The following LRP1B variants were observed in gnomAD, a reference collection of about 807,000 sequenced individuals.
LRP1B encodes the protein low-density lipoprotein receptor-related protein 1B.
In LRP1B, 217 loss-of-function variants were observed where a neutral mutation model predicts 556.6. The observed-to-expected ratio is 0.39, with a 90% CI of 0.35 to 0.44. LRP1B has a LOEUF of 0.44. LRP1B is among the 20% of genes least tolerant of loss of function. The pLI is 1.00. For synonymous variants in LRP1B, 2,047 were observed against 1,865.8 expected (o/e 1.10, Z -2.50); for missense variants, 5,053 against 5,620.8 (o/e 0.90, Z 3.23).
intron 3 of LRP1B, among the ~76,000 whole-genome samples, chr2:141,477,211 G>A (rs1019708462): frequency 3.4e-5 from 5 of 149,006 alleles, no homozygotes; most frequent in African/African-American, 1.2e-4. Context: ...TAGGCTTTAG[G>A]TATAATTACT....
chr2:140,819,273 CT>C (rs1357252334), intron 31 of LRP1B, among the ~76,000 whole-genome samples: 1 of 152,142 alleles, frequency 6.6e-6, no homozygotes, highest in Non-Finnish European at 1.5e-5. Flanking sequence ...AATCTCACAA[CT>C]GATAATTTGG....
intron 1 of LRP1B, among the ~76,000 whole-genome samples, chr2:141,935,056 C>T (rs1558971378): frequency 2.5e-5 from 1 of 40,010 alleles, no homozygotes; most frequent in South Asian, 9.1e-4. Context: ...GTGATCTCCT[C>T]TATAAAAAAT....
At chr2:141,338,433 G>T (rs1417424524) in intron 3 of LRP1B, among the ~76,000 whole-genome samples, 2 of 152,164 alleles carry the variant, frequency 1.3e-5, no homozygotes, top group Non-Finnish European at 2.9e-5. Context: ...GCTCTGTGCT[G>T]CATTGAGGTC....
At chr2:140,852,377 G>A (rs1370194129) in intron 27 of LRP1B, among the ~76,000 whole-genome samples, 1 of 152,150 alleles carries the variant, frequency 6.6e-6, no homozygotes, top group African/African-American at 2.4e-5. Context: ...GAGTTAGTTT[G>A]AGGAGCAACC....
chr2:141,847,990 A>C (rs1288117932), intron 1 of LRP1B, among the ~76,000 whole-genome samples: 1 of 151,588 alleles, frequency 6.6e-6, no homozygotes, highest in Non-Finnish European at 1.5e-5. Flanking sequence ...AAAAATAAAG[A>C]CTTTAAGTTA....
chr2:141,959,973 A>G (rs1701356278), intron 1 of LRP1B, among the ~76,000 whole-genome samples: 1 of 151,926 alleles, frequency 6.6e-6, no homozygotes, highest in African/African-American at 2.4e-5. Flanking sequence ...AAATGTAGGA[A>G]AAATAGAACT....
intron 3 of LRP1B, among the ~76,000 whole-genome samples, chr2:141,362,774 G>A (rs1688875692): frequency 7.1e-6 from 1 of 140,430 alleles, no homozygotes; most frequent in Admixed American, 7.2e-5. Context: ...CTCACCAGAA[G>A]AAAGAAAGCT....
At chr2:141,044,308 A>G (rs1005577005) in intron 11 of LRP1B, among the ~76,000 whole-genome samples, 1 of 151,836 alleles carries the variant, frequency 6.6e-6, no homozygotes. Context: ...ACCTAAAACC[A>G]TAAAAACCCT....
intron 2 of LRP1B, among the ~76,000 whole-genome samples, chr2:141,784,737 C>T (rs983581228): frequency 2.6e-5 from 4 of 151,824 alleles, no homozygotes; most frequent in East Asian, 3.9e-4. Flanking sequence ...TTTCCCCTCC[C>T]GTCTCTTAAA....
chr2:141,374,531 A>T (rs553160479), intron 3 of LRP1B, among the ~76,000 whole-genome samples: 1 of 152,130 alleles, frequency 6.6e-6, no homozygotes, highest in African/African-American at 2.4e-5. Context: ...CAGTCACTTT[A>T]TGTGGTTTCT....
intron 2 of LRP1B, among the ~76,000 whole-genome samples, chr2:141,502,252 T>A (rs1389623703): frequency 1.3e-5 from 2 of 152,166 alleles, no homozygotes; most frequent in African/African-American, 4.8e-5. Context: ...GACAAGAGAA[T>A]ATTTTTAGGA....
At chr2:140,963,259 GAA>G (rs71408479) in intron 18 of LRP1B, among the ~76,000 whole-genome samples, 4,089 of 148,930 alleles carry the variant, frequency 0.027, 152 homozygotes, top group African/African-American at 0.089. Flanking sequence ...AATTTCAATT[GAA>G]AAAAAAAACA....
chr2:140,354,265 A>G (rs1273217720), intron 75 of LRP1B, among the ~76,000 whole-genome samples: 1 of 152,122 alleles, frequency 6.6e-6, no homozygotes, highest in Non-Finnish European at 1.5e-5. Flanking sequence ...TCTTTTGCGT[A>G]GCACACAAAC....
chr2:141,592,105 T>G (rs1349536991), intron 2 of LRP1B, among the ~76,000 whole-genome samples: 4 of 152,110 alleles, frequency 2.6e-5, no homozygotes, highest in Admixed American at 2.0e-4. Context: ...TGCACCAACA[T>G]TGACTGTGTT....
At chr2:141,096,568 T>A (rs189564483) in intron 7 of LRP1B, among the ~76,000 whole-genome samples, 33 of 136,868 alleles carry the variant, frequency 2.4e-4, no homozygotes, top group Non-Finnish European at 3.6e-4. Flanking sequence ...GAGGCGGAGG[T>A]TGCAGTGAGC....
At chr2:141,712,677 CTTTTG>C (rs1467990736) in intron 2 of LRP1B, among the ~76,000 whole-genome samples, 1 of 151,026 alleles carries the variant, frequency 6.6e-6, no homozygotes, top group African/African-American at 2.4e-5. Context: ...CCTTTTTTTT[CTTTTG>C]TTTTGAGACG....
At chr2:141,809,202 T>A (rs928399010) in intron 2 of LRP1B, among the ~76,000 whole-genome samples, 2 of 152,110 alleles carry the variant, frequency 1.3e-5, no homozygotes. Context: ...TATTCAGGTA[T>A]TCACCTTTTG....
In LRP1B at chr2:140,915,228, GT is replaced by G. The variant is rs199720297; in HGVS notation, c.3320-7152del. ...GAAAAGGTAATAAAATCAAAGAAGT[GT>G]TTTTCAGGTTATTGGACTAAATATA... On this transcript the variant is annotated intron_variant, in intron 21 of 90. Transcript: ENST00000389484. 2.3e-3 allele frequency among the ~76,000 whole-genome samples: 348 copies of G among 152,136 alleles called. 1 individual carries two copies. Among genetic ancestry groups the G allele is most frequent in the African/African-American group, 8.0e-3 (330 of 41,506 alleles).
chr2:140,528,125 C>A (rs1385769), intron 47 of LRP1B, among the ~76,000 whole-genome samples: 115,713 of 151,766 alleles, frequency 0.76, 44,409 homozygotes, highest in East Asian at 0.9. Flanking sequence ...GTGGCAGAGA[C>A]AATGAGGAGG....
Sources: gnomAD v4.1 joint callset for allele counts (sites outside exome capture counted in the v4.1 genomes callset) on GRCh38, gnomAD v4.1.1 for gene constraint, MANE v1.5 for transcripts, NCBI Gene and HGNC (gene_info 2026-07-23, HGNC 2026-07-21) for gene names.